Variants in CISD2 observed in about 807,000 individuals in gnomAD.
The protein encoded by CISD2 is CDGSH iron sulfur domain 2.
In CISD2, 1 loss-of-function variant was observed where a neutral mutation model predicts 12.9. That is an observed-to-expected ratio of 0.08 (90% CI 0.03 to 0.37). The LOEUF (loss-of-function observed/expected upper bound fraction) is 0.37, where lower values mean the gene tolerates loss of function less well. Among genes scored for constraint, CISD2 ranks in the 10% least tolerant of loss-of-function variants. CISD2 has a pLI of 0.99. For missense variants in CISD2, 97 were observed against 163.1 expected (o/e 0.59, Z 2.21); for synonymous variants, 50 against 60.6 (o/e 0.83, Z 0.81).
chr4:102,882,968 G>C (rs1393631664), intron 1 of CISD2: 1 of 152,042 alleles, frequency 6.6e-6, no homozygotes, highest in African/African-American at 2.4e-5. Context: ...GGCTGGTCTT[G>C]AACTCCTAAC....
At chr4:102,880,243 C>T (rs1733684069) in intron 1 of CISD2, among the ~76,000 whole-genome samples, 1 of 152,100 alleles carries the variant, frequency 6.6e-6, no homozygotes, top group African/African-American at 2.4e-5. Context: ...CACGCCCAGC[C>T]CCCTTGTATC....
Position 102,870,308 on chromosome 4 carries a change from A to AT in CISD2, c.103+1130dup, listed in dbSNP as rs201960065. On this transcript the variant is annotated intron_variant, in intron 1 of 2. Transcript: ENST00000273986. ...GGAGGTGAATTTCAGTCTAAGGAAG[A>AT]TTTTTTTTTAAATTAAAGAATGCTT... 7.8e-4 allele frequency among the ~76,000 whole-genome samples: 118 copies of AT among 151,846 alleles called. 1 individual carries two copies. In the Middle Eastern group the frequency reaches 0.01, roughly 13 times the overall value.
intron 1 of CISD2, among the ~76,000 whole-genome samples, chr4:102,882,278 G>A (rs946802418): frequency 2.6e-5 from 4 of 152,168 alleles, no homozygotes; most frequent in Non-Finnish European, 5.9e-5. Context: ...CTAAAATATT[G>A]TAATATGTAC....
intron 1 of CISD2, chr4:102,869,624 G>A: frequency 3.1e-6 from 2 of 651,642 alleles, no homozygotes; most frequent in Non-Finnish European, 5.5e-6. Flanking sequence ...GGGTGGGAGT[G>A]TGTGGGAGAG....
At chr4:102,882,428 A>G (rs962098858) in intron 1 of CISD2, among the ~76,000 whole-genome samples, 9 of 152,224 alleles carry the variant, frequency 5.9e-5, no homozygotes, top group African/African-American at 1.9e-4. Context: ...AAAGAACTCA[A>G]AAAGGCTGCT....
chr4:102,885,304 A>G lies in CISD2; in HGVS notation c.192A>G (p.Lys64=). ...TTCGTCCATTCCTCCCGAAGAAGAAACAACAGAAGGATAGCTTGATTAATC... is the reference window on the plus strand; with the variant it reads ...TTCGTCCATTCCTCCCGAAGAAGAAGCAACAGAAGGATAGCTTGATTAATC... ...LAVRPFLPKK[K]QQKDSLINLK... is the part of the protein sequence containing the mutation. The change falls in exon 2 of 3, where the codon AAA becomes AAG. Residue 64 remains lysine, a synonymous_variant. Coordinates refer to ENST00000273986, the MANE Select transcript of CISD2 (RefSeq NM_001008388.5). 1 of 1,614,130 alleles carries G rather than the reference A, an allele frequency of 6.2e-7. No individual in the cohort carries two copies. The highest frequency in any genetic ancestry group is 8.5e-7 in the Non-Finnish European group (1 of 1,179,974).
At position 102,891,181 on chromosome 4, in the gene CISD2, A is replaced by G. The variant is rs1215010389; in HGVS notation, c.*3751A>G. The G allele has an allele frequency of 4.1e-5, 6 of 147,756 alleles. 1 individual carries two copies. The highest frequency in any genetic ancestry group is 1.6e-4 in the African/African-American group (6 of 37,452). 9.2% of individuals were successfully genotyped at this position (147,756 alleles called of 1,614,324 possible). On this transcript the variant is annotated 3_prime_UTR_variant, in exon 3 of 3. Transcript: ENST00000273986. ...CAAGTTCAAATTAAGTGGTAATTGA[A>G]AAAGTCTTCTTTTTAAAAAATTTTT...
At chr4:102,880,905 G>C (rs1297852650) in intron 1 of CISD2, among the ~76,000 whole-genome samples, 1 of 150,148 alleles carries the variant, frequency 6.7e-6, no homozygotes, top group Admixed American at 6.7e-5. Context: ...TGAGGCACGA[G>C]AATCGCTTGA....
At chr4:102,876,263 C>T (rs1733589117) in intron 1 of CISD2, among the ~76,000 whole-genome samples, 1 of 152,120 alleles carries the variant, frequency 6.6e-6, no homozygotes, top group African/African-American at 2.4e-5. Context: ...CAAAAGAAAC[C>T]TGGTTCCAAG....
chr4:102,870,544 T>C (rs1733412582), intron 1 of CISD2, among the ~76,000 whole-genome samples: 1 of 152,098 alleles, frequency 6.6e-6, no homozygotes, highest in Non-Finnish European at 1.5e-5. Context: ...ATATTAAGAG[T>C]TTTAGTAGAA....
chr4:102,892,063 C>T lies in CISD2; in HGVS notation c.*4633C>T, dbSNP rs1278737568. The T allele has an allele frequency of 6.6e-6, 1 of 152,074 alleles. No individual in the cohort carries two copies. The highest frequency in any genetic ancestry group is 1.5e-5 in the Non-Finnish European group (1 of 68,008). The allele number at this position is 152,074 out of a possible 1,614,324, so 9.4% of individuals were successfully genotyped here. A position where few individuals can be genotyped will look rare whatever the true frequency, so the allele number is the denominator to read the frequency against. On this transcript the variant is annotated 3_prime_UTR_variant, in exon 3 of 3. Transcript: ENST00000273986. The stretch of plus-strand genomic sequence containing the variant: ...TCAGCAAGTAAACTAATTTTATCTA[C>T]TTTCATATATTTTGAGACAAAGTCT...
chr4:102,869,382 G>T (rs1733360479), intron 1 of CISD2, 195 bp downstream of exon 1: 3 of 750,612 alleles, frequency 4.0e-6, no homozygotes, highest in East Asian at 2.7e-5. Context: ...GGTGCTTGAT[G>T]CCCCAGGGTC....
At chr4:102,869,655 C>T (rs1287803954) in intron 1 of CISD2, 2 of 619,370 alleles carry the variant, frequency 3.2e-6, no homozygotes, top group African/African-American at 3.7e-5. Flanking sequence ...TTACACGTAA[C>T]ACGTATATGA....
At chr4:102,869,235 C>G (rs200244408) in intron 1 of CISD2, 48 bp downstream of exon 1, 1 of 1,563,394 alleles carries the variant, frequency 6.4e-7, no homozygotes, top group East Asian at 2.4e-5. Context: ...GTTCGCCAAG[C>G]GGGGGAAGGA....
intron 1 of CISD2, among the ~76,000 whole-genome samples, chr4:102,883,160 G>A (rs189910664): frequency 7.9e-5 from 12 of 152,276 alleles, no homozygotes; most frequent in African/African-American, 2.4e-4. Context: ...ACTTGCCTGT[G>A]AGCATGCCTT....
chr4:102,872,604 T>A (rs79069143), intron 1 of CISD2, among the ~76,000 whole-genome samples: 2,481 of 152,310 alleles, frequency 0.016, 60 homozygotes, highest in African/African-American at 0.054. Flanking sequence ...TCTGTTCTAG[T>A]TCTGTGGAAT....
chr4:102,875,532 C>T (rs1034371105), intron 1 of CISD2, among the ~76,000 whole-genome samples: 1 of 152,140 alleles, frequency 6.6e-6, no homozygotes, highest in Non-Finnish European at 1.5e-5. Context: ...TTTAAGTAGT[C>T]TTCCTGTATT....
chr4:102,872,208 A>G (rs1348366394), intron 1 of CISD2, among the ~76,000 whole-genome samples: 1 of 152,060 alleles, frequency 6.6e-6, no homozygotes, highest in Non-Finnish European at 1.5e-5. Context: ...AGCCGGGACT[A>G]CAGGCATGTG....
intron 2 of CISD2, among the ~76,000 whole-genome samples, chr4:102,887,127 T>C (rs1733967643): frequency 6.6e-6 from 1 of 152,226 alleles, no homozygotes. Flanking sequence ...TCATAGGTTT[T>C]TATTTAAAAT....
Sources: allele counts gnomAD v4.1 joint callset (sites outside exome capture counted in the v4.1 genomes callset), GRCh38; gene constraint gnomAD v4.1.1; transcripts MANE v1.5; gene names NCBI Gene and HGNC (gene_info 2026-07-23, HGNC 2026-07-21).